Variants in YAE1 observed in about 807,000 individuals in gnomAD.
YAE1 encodes the protein YAE1 maturation factor of ABCE1.
A neutral mutation model predicts 23.0 loss-of-function variants in YAE1; 22 were observed. That is an observed-to-expected ratio of 0.96 (90% CI 0.68 to 1.37). The LOEUF is 1.37. YAE1 is among the 40% of genes most tolerant of loss of function. The probability of loss-of-function intolerance (pLI) is 0.00; values close to 1 mark genes in which losing one functional copy is unlikely to be tolerated. For missense variants in YAE1, 260 were observed against 262.1 expected, an observed-to-expected ratio of 0.99 and a Z score of 0.06; for synonymous variants, 101 against 97.0, an observed-to-expected ratio of 1.04 and a Z score of -0.24.
intron 2 of YAE1, among the ~76,000 whole-genome samples, chr7:39,594,638 T>C (rs1287435427): frequency 3.9e-5 from 6 of 152,084 alleles, no homozygotes; most frequent in African/African-American, 7.2e-5. Context: ...CTCACTCTTG[T>C]TGCCCAGGCT....
At chr7:39,607,544 A>G (rs145277225) in intron 2 of YAE1, among the ~76,000 whole-genome samples, 41 of 152,358 alleles carry the variant, frequency 2.7e-4, no homozygotes, top group Middle Eastern at 3.4e-3. Flanking sequence ...AGTAAGATCC[A>G]TGTTGGACTT....
Position 39,572,718 on chromosome 7 carries a change from C to G in YAE1, c.*12C>G. ...TCAAACAACTATAAAATTACCTTCC[C>G]TTTTCTAATGAAAATAATGTTCAGA... On this transcript the variant is annotated 3_prime_UTR_variant, in exon 3 of 3. Transcript: ENST00000223273. 6.5e-7 allele frequency: 1 copy of G among 1,550,152 alleles called. No homozygotes were observed. The highest frequency in any genetic ancestry group is 8.7e-7 in the Non-Finnish European group (1 of 1,154,744).
At chr7:39,593,173 A>ATTTCTTTT (rs1790924582) in intron 2 of YAE1, among the ~76,000 whole-genome samples, 2 of 40,066 alleles carry the variant, frequency 5.0e-5, no homozygotes, top group South Asian at 7.8e-4. Flanking sequence ...CCATTTGGTT[A>ATTTCTTTT]TTTCTTTTTT....
intron 2 of YAE1, among the ~76,000 whole-genome samples, chr7:39,603,298 C>T (rs1176282480): frequency 3.3e-5 from 5 of 152,264 alleles, no homozygotes; most frequent in East Asian, 1.9e-4. Flanking sequence ...ACCACCACGC[C>T]GGGCTAATTT....
At chr7:39,592,850 TAG>T (rs1309689511) in intron 2 of YAE1, among the ~76,000 whole-genome samples, 1 of 152,226 alleles carries the variant, frequency 6.6e-6, no homozygotes, top group East Asian at 1.9e-4. Context: ...TTATCCTGCT[TAG>T]AGCTTGCCAA....
intron 2 of YAE1, among the ~76,000 whole-genome samples, chr7:39,584,821 C>T (rs1480043040): frequency 6.6e-6 from 1 of 152,066 alleles, no homozygotes; most frequent in Non-Finnish European, 1.5e-5. Flanking sequence ...GAGTTTGAGA[C>T]CAGCATGGGC....
chr7:39,580,291 C>T (rs966325792), intron 2 of YAE1, among the ~76,000 whole-genome samples: 6 of 152,190 alleles, frequency 3.9e-5, no homozygotes, highest in African/African-American at 1.4e-4. Context: ...CTAGCTTTTA[C>T]ATATTCCTAT....
intron 2 of YAE1, among the ~76,000 whole-genome samples, chr7:39,584,287 G>T (rs1790782535): frequency 6.6e-6 from 1 of 152,136 alleles, no homozygotes; most frequent in Non-Finnish European, 1.5e-5. Flanking sequence ...CATATTTTTT[G>T]TTTGTTCGCC....
intron 2 of YAE1, among the ~76,000 whole-genome samples, chr7:39,589,325 A>T (rs879304523): frequency 1.3e-5 from 2 of 152,228 alleles, no homozygotes; most frequent in African/African-American, 4.8e-5. Context: ...CTCTAAAGTT[A>T]AAGTTTAAAA....
rs554975016 is a variant in YAE1 at position 39,570,008 on chromosome 7, G to A, written c.130-498G>A. On this transcript the variant is annotated intron_variant, in intron 1 of 2. Coordinates refer to ENST00000223273, the MANE Select transcript of YAE1 (RefSeq NM_020192.5). ...CCATTCAGCAAAACTTTCCCATTCC[G>A]GTTAATGGTTTTGACAAGCAGGGCA... The A allele has an allele frequency of 1.1e-4, 144 of 1,350,700 alleles. No individual in the cohort carries two copies. In the South Asian group the frequency reaches 1.6e-3, roughly 15 times the overall value. The allele number at this position is 1,350,700 out of a possible 1,614,324, so 83.7% of individuals were successfully genotyped here. A position where few individuals can be genotyped will look rare whatever the true frequency, so the allele number is the denominator to read the frequency against.
At chr7:39,611,708 A>G (rs1791221601), downstream of YAE1, among the ~76,000 whole-genome samples, 1 of 152,208 alleles carries the variant, frequency 6.6e-6, no homozygotes, top group Admixed American at 6.5e-5. Flanking sequence ...GGAGTTAAGT[A>G]TACATTTATT....
At chr7:39,606,138 A>G (rs1204374838) in intron 2 of YAE1, among the ~76,000 whole-genome samples, 2 of 151,974 alleles carry the variant, frequency 1.3e-5, no homozygotes, top group African/African-American at 4.8e-5. Flanking sequence ...ATTGCTTCCA[A>G]TTGTTTTTCT....
chr7:39,593,603 T>C lies in YAE1; in HGVS notation c.252-16014T>C, dbSNP rs532163995. Among the ~76,000 whole-genome samples, 75 of 152,124 alleles carry C rather than the reference T, an allele frequency of 4.9e-4. No individual in the cohort carries two copies. In the South Asian group the frequency reaches 0.015, roughly 30 times the overall value. ...AGCCCCCAAGTAGCTGGGACTACAG[T>C]CACGCACCACCATGGCCAGCTAATT... On this transcript the variant is annotated intron_variant, in intron 2 of 2. Coordinates refer to the YAE1 transcript ENST00000432096.
At chr7:39,606,517 T>C (rs1307338226) in intron 2 of YAE1, among the ~76,000 whole-genome samples, 1 of 152,252 alleles carries the variant, frequency 6.6e-6, no homozygotes, top group African/African-American at 2.4e-5. Flanking sequence ...ATGAAACTAT[T>C]ATTCTGTGCT....
downstream of YAE1, among the ~76,000 whole-genome samples, chr7:39,577,756 A>G (rs1790677210): frequency 6.6e-6 from 1 of 152,166 alleles, no homozygotes; most frequent in Admixed American, 6.5e-5. Context: ...GCCCGGTCCC[A>G]TGGACTGCCC....
intron 2 of YAE1, among the ~76,000 whole-genome samples, chr7:39,607,557 G>T (rs1443750802): frequency 6.6e-6 from 1 of 152,184 alleles, no homozygotes; most frequent in East Asian, 1.9e-4. Flanking sequence ...TTGGACTTTT[G>T]AATTCAATAA....
intron 2 of YAE1, among the ~76,000 whole-genome samples, chr7:39,603,016 TGGGATTAC>T (rs1363604644): frequency 2.6e-5 from 4 of 152,256 alleles, no homozygotes; most frequent in African/African-American, 7.2e-5. Context: ...TCCAAAGTGC[TGGGATTAC>T]AGGCGTTAGC....
At chr7:39,582,927 G>T (rs897428231) in intron 2 of YAE1, among the ~76,000 whole-genome samples, 1 of 152,138 alleles carries the variant, frequency 6.6e-6, no homozygotes, top group Admixed American at 6.6e-5. Context: ...CTTTCCATTT[G>T]GTATAGCAGA....
In YAE1 at chr7:39,566,451, G is replaced by A. The variant is rs1583665611; in HGVS notation, c.33G>A (p.Gln11=). The A allele has an allele frequency of 6.2e-7, 1 of 1,614,214 alleles. No individual in the cohort carries two copies. Among genetic ancestry groups the A allele is most frequent in the Non-Finnish European group, 8.5e-7 (1 of 1,180,028 alleles). Residue 11 remains glutamine (Q), a synonymous_variant, in exon 1 of 3, where the codon CAG becomes CAA. Coordinates refer to ENST00000223273, the MANE Select transcript of YAE1 (RefSeq NM_020192.5). MSWVQAASLI[Q]GPGDKGDVFD... ...GGGTTCAAGCAGCCTCCTTGATCCAGGGCCCTGGAGACAAAGGGGACGTGT... is the reference window on the plus strand; with the variant it reads ...GGGTTCAAGCAGCCTCCTTGATCCAAGGCCCTGGAGACAAAGGGGACGTGT...
Sources: allele counts gnomAD v4.1 joint callset (sites outside exome capture counted in the v4.1 genomes callset), GRCh38; gene constraint gnomAD v4.1.1; transcripts MANE v1.5; gene names NCBI Gene and HGNC (gene_info 2026-07-23, HGNC 2026-07-21).